ANKRD28: variants seen among roughly 807,000 people sequenced by gnomAD.
The protein encoded by ANKRD28 is ankyrin repeat domain 28, also known as serine/threonine-protein phosphatase 6 regulatory ankyrin repeat subunit A.
In ANKRD28, 44 loss-of-function variants were observed where a neutral mutation model predicts 126.5. The observed-to-expected ratio is 0.35, with a 90% CI of 0.27 to 0.45. ANKRD28 has a LOEUF of 0.45. ANKRD28 is among the 20% of genes least tolerant of loss of function. The pLI is 1.00. For missense variants in ANKRD28, 1,110 were observed against 1,316.6 expected (o/e 0.84, Z 2.43); for synonymous variants, 442 against 468.5 (o/e 0.94, Z 0.73).
intron 8 of ANKRD28, among the ~76,000 whole-genome samples, chr3:15,719,025 T>C (rs527892661): frequency 5.3e-5 from 8 of 152,326 alleles, no homozygotes; most frequent in African/African-American, 1.4e-4. Flanking sequence ...ATAAACTTTC[T>C]AGTAATTACT....
At chr3:15,763,083 G>C (rs1254815538) in intron 3 of ANKRD28, among the ~76,000 whole-genome samples, 4 of 152,154 alleles carry the variant, frequency 2.6e-5, no homozygotes, top group Non-Finnish European at 4.4e-5. Flanking sequence ...TGAGGTTCTA[G>C]TTCAATAGAA....
In ANKRD28 at chr3:15,686,135, A is replaced by C. The variant is rs2068095138; in HGVS notation, c.2052-16T>G. On this transcript the variant is annotated splice_polypyrimidine_tract_variant and intron_variant, in intron 19 of 27. Transcript: ENST00000683139. ...CAGAGGCGTCCTGAGCAACAACAGGAATAGGTTCAGTGCTGTCACTTAAGA... is the reference window on the plus strand; with the variant it reads ...CAGAGGCGTCCTGAGCAACAACAGGCATAGGTTCAGTGCTGTCACTTAAGA... 1 of 1,609,438 alleles carries C rather than the reference A, an allele frequency of 6.2e-7. No individual in the cohort carries two copies.
rs375278547 is a variant in ANKRD28 at position 15,850,224 on chromosome 3, T to TAGAGAGAGAGAGAGAGAG, written c.27+9135_27+9152dup. 2.0e-3 allele frequency among the ~76,000 whole-genome samples: 70 copies of TAGAGAGAGAGAGAGAGAG among 35,110 alleles called. 2 individuals carry two copies. The highest frequency in any genetic ancestry group is 2.8e-3 in the Non-Finnish European group (47 of 16,766). 23.0% of individuals were successfully genotyped at this position (35,110 alleles called of 152,430 possible). On this transcript the variant is annotated intron_variant, in intron 1 of 27. Transcript: ENST00000399451. ...AAAAAAATATATATATATATATATA[T>TAGAGAGAGAGAGAGAGAG]AGAGAGAGAGAGAGAGAGAGAGAGA... is the stretch of plus-strand genomic sequence containing the variant.
chr3:15,682,786 G>C (rs1332297109), intron 21 of ANKRD28, among the ~76,000 whole-genome samples: 1 of 152,010 alleles, frequency 6.6e-6, no homozygotes, highest in Non-Finnish European at 1.5e-5. Context: ...TTATAAAACG[G>C]GCTTTTGGCT....
chr3:15,713,785 T>C (rs2072640126), intron 9 of ANKRD28, 144 bp from the exon 10 acceptor site: 9 of 478,136 alleles, frequency 1.9e-5, no homozygotes, highest in East Asian at 1.0e-4. Context: ...AGCTCATTTA[T>C]TGGGCCAGGC....
chr3:15,702,600 A>C (rs2070773026), intron 14 of ANKRD28, among the ~76,000 whole-genome samples: 1 of 152,200 alleles, frequency 6.6e-6, no homozygotes, highest in African/African-American at 2.4e-5. Context: ...TGCATTTCAA[A>C]CTATTTAAAT....
Position 15,812,736 on chromosome 3 carries a change from A to G in ANKRD28, c.28-17430T>C, listed in dbSNP as rs1227038302. Among the ~76,000 whole-genome samples the G allele has an allele frequency of 6.6e-6, 1 of 152,212 alleles. No homozygotes were observed. Among genetic ancestry groups the G allele is most frequent in the Non-Finnish European group, 1.5e-5 (1 of 68,040 alleles). On this transcript the variant is annotated intron_variant, in intron 1 of 27. Transcript: ENST00000399451. This position sits in a 1 kb window ranked among gnomAD's most constrained non-coding sequence, Gnocchi z 4.1. ...AAGTGTGTGAGGGGGTGAATTTCCA[A>G]TGGAACTCTAGTTACCAACAGCCAT...
chr3:15,771,141 G>A (rs1403631445), intron 2 of ANKRD28, among the ~76,000 whole-genome samples: 2 of 151,824 alleles, frequency 1.3e-5, no homozygotes, highest in Non-Finnish European at 2.9e-5. Context: ...AGGGCGCAGT[G>A]GCTCGTGCCT....
At chr3:15,789,718 G>A (rs1363596458) in intron 2 of ANKRD28, among the ~76,000 whole-genome samples, 1 of 151,936 alleles carries the variant, frequency 6.6e-6, no homozygotes, top group Non-Finnish European at 1.5e-5. Flanking sequence ...TAAAACTCTA[G>A]TATTTGCTAG....
chr3:15,676,137 G>T (rs1006386550), intron 26 of ANKRD28, 148 bp from the exon 27 acceptor site: 3 of 530,230 alleles, frequency 5.7e-6, no homozygotes, highest in Non-Finnish European at 9.9e-6. Flanking sequence ...CAAAGATGGG[G>T]GCAGGGAGAG....
chr3:15,832,296 ATTAT>A (rs1378906563), intron 1 of ANKRD28, among the ~76,000 whole-genome samples: 1 of 152,204 alleles, frequency 6.6e-6, no homozygotes, highest in Admixed American at 6.5e-5. Flanking sequence ...TTTGCATTTT[ATTAT>A]TTAGAAAGCC....
intron 3 of ANKRD28, among the ~76,000 whole-genome samples, chr3:15,763,461 T>A (rs1027753500): frequency 1.3e-5 from 2 of 152,232 alleles, no homozygotes; most frequent in African/African-American, 4.8e-5. Flanking sequence ...CCTGCCTTCT[T>A]GGAGTTTACA....
At chr3:15,834,602 T>A (rs2061281939) in intron 1 of ANKRD28, among the ~76,000 whole-genome samples, 1 of 152,116 alleles carries the variant, frequency 6.6e-6, no homozygotes, top group African/African-American at 2.4e-5. Flanking sequence ...CTAATCATCA[T>A]AAGGATTGTT....
Position 15,751,818 on chromosome 3 carries a change from C to T in ANKRD28, c.283G>A (p.Ala95Thr). The change falls in exon 4 of 28, where the codon GCT (alanine) becomes ACT (threonine). Residue 95 changes from alanine to threonine, a missense_variant and splice_region_variant. Ala to Thr is a moderately conservative substitution (Grantham distance 58). Transcript: ENST00000683139. ...TTGCTGTCTTTGGCATTAACTCTAG[C>T]TCCTGCAACAAGAAGAAAAAAATAA... ...EIIELLILSG[A>T]RVNAKDSKWL... 2 of 1,568,398 alleles carry T rather than the reference C, an allele frequency of 1.3e-6. No individual in the cohort carries two copies. The highest frequency in any genetic ancestry group is 8.7e-7 in the Non-Finnish European group (1 of 1,155,392).
intron 14 of ANKRD28, among the ~76,000 whole-genome samples, chr3:15,706,763 CT>C (rs2071490840): frequency 6.6e-6 from 1 of 152,170 alleles, no homozygotes; most frequent in Non-Finnish European, 1.5e-5. Context: ...TGTTTCCTGA[CT>C]TTTTAATGAT....
chr3:15,798,321 G>T, upstream of ANKRD28: 1 of 212,872 alleles, frequency 4.7e-6, no homozygotes, highest in Non-Finnish European at 8.1e-6. Flanking sequence ...TAAAGATGGA[G>T]AAATATTTTA....
At chr3:15,841,752 C>T (rs1405573797) in intron 1 of ANKRD28, among the ~76,000 whole-genome samples, 4 of 152,126 alleles carry the variant, frequency 2.6e-5, no homozygotes, top group Non-Finnish European at 4.4e-5. Context: ...GTTAAAATGG[C>T]TTTTATCCAA....
At chr3:15,688,078 T>C (rs567885119) in intron 18 of ANKRD28, among the ~76,000 whole-genome samples, 55 of 152,280 alleles carry the variant, frequency 3.6e-4, no homozygotes, top group African/African-American at 1.3e-3. Flanking sequence ...TTTTTGTGGG[T>C]AGGATTTATG....
chr3:15,808,725 T>C (rs1197153038), intron 1 of ANKRD28, among the ~76,000 whole-genome samples: 1 of 152,148 alleles, frequency 6.6e-6, no homozygotes, highest in Non-Finnish European at 1.5e-5. Context: ...TATAGAAAGC[T>C]TTCCTGCCTC....
Sources: gnomAD v4.1 joint callset for allele counts (sites outside exome capture counted in the v4.1 genomes callset) on GRCh38, gnomAD v4.1.1 for gene constraint, Gnocchi (gnomAD v3.1) non-coding constraint, MANE v1.5 for transcripts, NCBI Gene and HGNC (gene_info 2026-07-23, HGNC 2026-07-21) for gene names.